The following MYO18A variants were observed in gnomAD, a reference collection of about 807,000 sequenced individuals.
MYO18A encodes unconventional myosin-XVIIIa.
MYO18A carries 78 observed loss-of-function variants against 235.8 expected under a neutral mutation model. The observed-to-expected ratio is 0.33, with a 90% CI of 0.28 to 0.40. The LOEUF (loss-of-function observed/expected upper bound fraction) is 0.40. Among genes scored for constraint, MYO18A ranks in the 10% least tolerant of loss-of-function variants. The pLI, the probability that MYO18A is intolerant of heterozygous loss-of-function variation, is 1.00. For synonymous variants in MYO18A, 977 were observed against 1,077.8 expected, an observed-to-expected ratio of 0.91 and a Z score of 1.83; for missense variants, 2,215 against 2,699.3, an observed-to-expected ratio of 0.82 and a Z score of 3.98.
Position 29,118,003 on chromosome 17 carries a change from C to T in MYO18A, c.2038+42G>A. 6.4e-7 allele frequency: 1 copy of T among 1,555,686 alleles called. No homozygotes were observed. Among genetic ancestry groups the T allele is most frequent in the Non-Finnish European group, 8.7e-7 (1 of 1,150,082 alleles). ...AGTGGGCAGGGTCCCTGTGAGGTCA[C>T]CCAGGGGACAGGCCAGCCTACTGGG... is the stretch of plus-strand genomic sequence containing the variant. On this transcript the variant is annotated intron_variant, in intron 10 of 41. Coordinates refer to ENST00000527372, the MANE Select transcript of MYO18A (RefSeq NM_078471.4). This position sits in a 1 kb window ranked among gnomAD's most constrained non-coding sequence, Gnocchi z 4.2.
intron 26 of MYO18A, 41 bp from the exon 27 acceptor site, chr17:29,097,391 G>A: frequency 6.2e-7 from 1 of 1,600,446 alleles, no homozygotes; most frequent in Non-Finnish European, 8.5e-7. Flanking sequence ...GAGGTGCTGA[G>A]AGTCCCCAGA....
In MYO18A at chr17:29,166,213, C is replaced by T. The variant is rs761976217; in HGVS notation, c.728G>A (p.Arg243Gln). The T allele has an allele frequency of 3.1e-6, 5 of 1,612,844 alleles. No individual in the cohort carries two copies. The highest frequency in any genetic ancestry group is 3.3e-5 in the Admixed American group (2 of 60,028). ...FSLRRTTMLD[R>Q]GPEGQACRRV... is the part of the protein sequence containing the mutation. ...CCGACAGGCCTGGCCCTCGGGGCCC[C>T]GATCCAGCATGGTTGTGCGCCGCAG... Residue 243 changes from arginine (R) to glutamine (Q), a missense_variant, in exon 2 of 42, where the codon CGG (arginine) becomes CAG (glutamine). Physicochemically the swap from Arg to Gln is conservative, Grantham distance 43. Transcript: ENST00000527372.
At chr17:29,173,392 C>CA (rs2068450518) in intron 1 of MYO18A, among the ~76,000 whole-genome samples, 1 of 131,614 alleles carries the variant, frequency 7.6e-6, no homozygotes, top group Non-Finnish European at 1.6e-5. Context: ...GCGCCCGGCC[C>CA]TTTTTTTTTT....
At chr17:29,107,245 C>T (rs1248809579) in intron 19 of MYO18A, 56 bp from the exon 20 acceptor site, 1 of 1,517,966 alleles carries the variant, frequency 6.6e-7, no homozygotes, top group African/African-American at 1.4e-5. Context: ...CCAGCACACC[C>T]CAGTAGCCAC....
chr17:29,134,681 C>A (rs1323858891), intron 2 of MYO18A, among the ~76,000 whole-genome samples: 3 of 152,100 alleles, frequency 2.0e-5, no homozygotes, highest in Non-Finnish European at 4.4e-5. Context: ...CGCTACCACG[C>A]CCGGCTAATT....
chr17:29,117,633 G>A lies in MYO18A; in HGVS notation c.2038+412C>T, dbSNP rs1786398952. On this transcript the variant is annotated intron_variant, in intron 10 of 41. Coordinates refer to ENST00000527372, the MANE Select transcript of MYO18A (RefSeq NM_078471.4). The surrounding 1 kb of genome is among the most constrained non-coding windows in gnomAD (Gnocchi z 4.6). ...CCAGCCCCTAGAAAGTCCTGGGCAA[G>A]CACCAAGACAGGGCACGGCGGCCCC... 6.6e-6 allele frequency among the ~76,000 whole-genome samples: 1 copy of A among 152,212 alleles called. No homozygotes were observed. The highest frequency in any genetic ancestry group is 1.5e-5 in the Non-Finnish European group (1 of 68,036).
intron 2 of MYO18A, chr17:29,127,935 C>T: frequency 1.0e-6 from 1 of 999,482 alleles, no homozygotes; most frequent in South Asian, 4.2e-5. Flanking sequence ...CCTGGGGTCA[C>T]CAGCTCTTCC....
Position 29,118,140 on chromosome 17 carries a change from G to A in MYO18A, c.1943C>T (p.Ala648Val). 1 of 1,596,538 alleles carries A rather than the reference G, an allele frequency of 6.3e-7. No homozygotes were observed. Among genetic ancestry groups the A allele is most frequent in the Admixed American group, 1.7e-5 (1 of 57,932 alleles). ...GGGGGAGATGCCCAGCACCTTCATG[G>A]CCGCCTGCAGCTTACTAAACTGCTG... ...AAQQFSKLQA[A>V]MKVLGISPDE... Residue 648 changes from alanine to valine, a missense_variant, in exon 10 of 42, where the codon GCC (alanine) becomes GTC (valine). By Grantham distance (64) the Ala-to-Val change is moderately conservative. Coordinates refer to ENST00000527372, the MANE Select transcript of MYO18A (RefSeq NM_078471.4). This position sits in a 1 kb window ranked among gnomAD's most constrained non-coding sequence, Gnocchi z 4.2.
At chr17:29,086,311 G>A in intron 39 of MYO18A, 127 bp downstream of exon 39, 1 of 1,064,520 alleles carries the variant, frequency 9.4e-7, no homozygotes, top group South Asian at 1.5e-5. Flanking sequence ...GCAGTAAAGG[G>A]AGGGTGGGTT....
intron 2 of MYO18A, among the ~76,000 whole-genome samples, chr17:29,162,463 T>C (rs2068194302): frequency 6.6e-6 from 1 of 152,210 alleles, no homozygotes; most frequent in Admixed American, 6.5e-5. Context: ...TTTGTGACAG[T>C]GTTTCCCTTC....
chr17:29,172,754 T>G (rs1197408015), intron 1 of MYO18A, among the ~76,000 whole-genome samples: 3 of 152,118 alleles, frequency 2.0e-5, no homozygotes, highest in Non-Finnish European at 4.4e-5. Context: ...ACATGGAAAG[T>G]AAAGCCCAAA....
At position 29,096,933 on chromosome 17, in the gene MYO18A, G is replaced by A. The variant is rs892235812; in HGVS notation, c.4231-18C>T. On this transcript the variant is annotated intron_variant, in intron 27 of 41. Transcript: ENST00000527372. Reference sequence around the variant, plus strand: ...TCCCCGAGCTAGGGGCCAAGATGGGGTGCATATACAGAGAGACCCAGAAGC... The same window carrying A: ...TCCCCGAGCTAGGGGCCAAGATGGGATGCATATACAGAGAGACCCAGAAGC... The A allele has an allele frequency of 6.5e-7, 1 of 1,541,662 alleles. No individual in the cohort carries two copies. Among genetic ancestry groups the A allele is most frequent in the Non-Finnish European group, 8.7e-7 (1 of 1,143,548 alleles).
intron 2 of MYO18A, among the ~76,000 whole-genome samples, chr17:29,139,399 A>G (rs1048319324): frequency 1.2e-4 from 19 of 152,056 alleles, no homozygotes; most frequent in African/African-American, 4.6e-4. Flanking sequence ...CCCATCTCTC[A>G]GGGTGAGGAG....
rs1292681551 is a variant in MYO18A at position 29,114,889 on chromosome 17, C to G, written c.2511+18G>C. The G allele has an allele frequency of 1.2e-6, 2 of 1,604,516 alleles. No homozygotes were observed. The highest frequency in any genetic ancestry group is 2.7e-5 in the African/African-American group (2 of 74,780). ...GGCCAGAATCTGAGGCTAGATGAGG[C>G]CCAGGCCCCAGAGCTACCTCCTTGT... On this transcript the variant is annotated intron_variant, in intron 14 of 41. Coordinates refer to ENST00000527372, the MANE Select transcript of MYO18A (RefSeq NM_078471.4).
rs2065885974 is a variant in MYO18A at position 29,071,717 on chromosome 17, T to A, written c.*3053A>T. On this transcript the variant is annotated 3_prime_UTR_variant, in exon 42 of 42. Transcript: ENST00000527372. ...TCCAAAGCAACCTCTTCATCCTTGT[T>A]AGGTCTTATGTAATTATTTCCACAT... 5 of 152,206 alleles carry A rather than the reference T, an allele frequency of 3.3e-5. No individual in the cohort carries two copies. The highest frequency in any genetic ancestry group is 3.3e-4 in the Admixed American group (5 of 15,286). 9.4% of individuals were successfully genotyped at this position (152,206 alleles called of 1,614,324 possible). A position where few individuals can be genotyped will look rare whatever the true frequency, so the allele number is the denominator to read the frequency against.
intron 2 of MYO18A, among the ~76,000 whole-genome samples, chr17:29,136,247 AAAAATATAT>A (rs1488003935): frequency 4.3e-3 from 308 of 72,138 alleles, no homozygotes; most frequent in East Asian, 7.8e-3. Flanking sequence ...AAAAAAAAAA[AAAAATATAT>A]ATATATATAT....
chr17:29,090,688 CCAG>C, intron 35 of MYO18A, 73 bp from the exon 36 acceptor site: 1 of 1,547,052 alleles, frequency 6.5e-7, no homozygotes, highest in Non-Finnish European at 8.9e-7. Flanking sequence ...AGCTGGAACA[CCAG>C]GGGACCGAGG....
At chr17:29,115,308 T>C (rs759859864) in intron 13 of MYO18A, 43 bp downstream of exon 13, 1 of 1,605,250 alleles carries the variant, frequency 6.2e-7, no homozygotes, top group Non-Finnish European at 8.5e-7. Context: ...CTACTCCACC[T>C]CTGCCAAAGC....
chr17:29,097,112 C>T lies in MYO18A; in HGVS notation c.4230+111G>A, dbSNP rs553308405. On this transcript the variant is annotated intron_variant, in intron 27 of 41. Transcript: ENST00000527372. ...CAAGAAGCTAACATGCCAGCCTCCCCGATCCATTCCAGCCAGGCCTGCCTG... is the reference window on the plus strand; with the variant it reads ...CAAGAAGCTAACATGCCAGCCTCCCTGATCCATTCCAGCCAGGCCTGCCTG... The T allele has an allele frequency of 3.3e-5, 49 of 1,490,196 alleles. No individual in the cohort carries two copies. The East Asian group carries it at 6.8e-4, about 21-fold the overall frequency. The allele number at this position is 1,490,196 out of a possible 1,614,324, so 92.3% of individuals were successfully genotyped here.
Sources: gnomAD v4.1 joint callset for allele counts (sites outside exome capture counted in the v4.1 genomes callset) on GRCh38, gnomAD v4.1.1 for gene constraint, Gnocchi (gnomAD v3.1) non-coding constraint, MANE v1.5 for transcripts, NCBI Gene and HGNC (gene_info 2026-07-23, HGNC 2026-07-21) for gene names.